The following UGT1A7 variants were observed in gnomAD, a reference collection of about 807,000 sequenced individuals.
UGT1A7 encodes the protein UDP-glucuronosyltransferase 1A7.
UGT1A7 carries 33 observed loss-of-function variants against 45.6 expected under a neutral mutation model. The observed-to-expected ratio is 0.72, with a 90% CI of 0.55 to 0.97. The LOEUF (loss-of-function observed/expected upper bound fraction) is 0.97. UGT1A7 is among the 50% of genes least tolerant of loss of function. The pLI is 0.00. For missense variants in UGT1A7, 684 were observed against 666.2 expected (o/e 1.03, Z -0.29); for synonymous variants, 274 against 250.6 (o/e 1.09, Z -0.88).
At chr2:233,729,403 G>A (rs1559374235) in intron 1 of UGT1A7, 1 of 1,613,838 alleles carries the variant, frequency 6.2e-7, no homozygotes, top group Non-Finnish European at 8.5e-7. Flanking sequence ...TGATCGCCAT[G>A]TGCTGGGCCA....
At chr2:233,714,782 C>T (rs1312718757) in intron 1 of UGT1A7, among the ~76,000 whole-genome samples, 1 of 152,114 alleles carries the variant, frequency 6.6e-6, no homozygotes, top group Non-Finnish European at 1.5e-5. Flanking sequence ...TTGGAATAGC[C>T]ACATTTCAAG....
In UGT1A7 at chr2:233,698,281, T is replaced by C. The variant is rs77422463; in HGVS notation, c.855+15489T>C. Among the ~76,000 whole-genome samples the C allele has an allele frequency of 8.3e-4, 127 of 152,242 alleles. 1 individual carries two copies. In the East Asian group the frequency reaches 0.023, roughly 28 times the overall value. On this transcript the variant is annotated intron_variant, in intron 1 of 4. Coordinates refer to ENST00000373426, the MANE Select transcript of UGT1A7 (RefSeq NM_019077.3). ...CAATAATCAAACCATTTCAACACTA[T>C]GAAAAAAAATGTGTCTTTGGACAGA...
chr2:233,726,029 G>A (rs1318137671), intron 1 of UGT1A7, among the ~76,000 whole-genome samples: 1 of 152,112 alleles, frequency 6.6e-6, no homozygotes, highest in Non-Finnish European at 1.5e-5. Flanking sequence ...ATCCAGGTGT[G>A]ATGGCGCACA....
At chr2:233,768,541 A>C (rs1699639375) in intron 4 of UGT1A7, 102 bp downstream of exon 4, 3 of 1,492,216 alleles carry the variant, frequency 2.0e-6, no homozygotes, top group Non-Finnish European at 2.7e-6. Flanking sequence ...GTTGTTTCAA[A>C]TATAAAAACA....
At chr2:233,735,775 C>G (rs2363116) in intron 1 of UGT1A7, among the ~76,000 whole-genome samples, 81,728 of 152,006 alleles carry the variant, frequency 0.54, 23,611 homozygotes, top group African/African-American at 0.76. Context: ...ATGAAGCTTA[C>G]TTTGGCTGCA....
intron 1 of UGT1A7, chr2:233,754,945 G>A (rs1342760083): frequency 7.5e-7 from 1 of 1,327,414 alleles, no homozygotes; most frequent in Admixed American, 1.9e-5. Flanking sequence ...AAGGAGAATG[G>A]GTCCCGGCCG....
At chr2:233,725,703 A>G (rs2077468684) in intron 1 of UGT1A7, among the ~76,000 whole-genome samples, 1 of 152,222 alleles carries the variant, frequency 6.6e-6, no homozygotes, top group South Asian at 2.1e-4. Flanking sequence ...ATATGTAGTT[A>G]GTGACTACCA....
chr2:233,743,650 G>T, intron 1 of UGT1A7: 1 of 1,367,276 alleles, frequency 7.3e-7, no homozygotes, highest in Non-Finnish European at 9.8e-7. Context: ...AGCTGAAGAC[G>T]TACTCGAAGG....
intron 1 of UGT1A7, chr2:233,729,497 A>G (rs1450342762): frequency 6.8e-6 from 11 of 1,614,114 alleles, no homozygotes; most frequent in Non-Finnish European, 8.5e-6. Flanking sequence ...TCTTTGGTCT[A>G]TCATAGGTCT....
At chr2:233,757,551 T>C (rs9711503) in intron 1 of UGT1A7, among the ~76,000 whole-genome samples, 892 of 76,060 alleles carry the variant, frequency 0.012, 7 homozygotes, top group South Asian at 0.018. Flanking sequence ...TATATATATA[T>C]ATATATATAT....
chr2:233,771,421 G>A (rs2126061282), intron 4 of UGT1A7: 1 of 152,290 alleles, frequency 6.6e-6, no homozygotes, highest in Admixed American at 6.5e-5. Flanking sequence ...AGAATAAACA[G>A]AAATCCATTT....
rs923317009 is a variant in UGT1A7, at chr2:233,730,111, C to T, written c.856-36923C>T. On this transcript the variant is annotated intron_variant, in intron 1 of 4. Transcript: ENST00000373426. ...CTTTCCAAATATTTCATTTCTGCTT[C>T]TCCTTGTCATAATAGCCTTCAGTGA... The T allele has an allele frequency of 2.6e-6, 4 of 1,566,198 alleles. No individual in the cohort carries two copies. In the African/African-American group the frequency reaches 4.1e-5, roughly 16 times the overall value.
Position 233,681,915 on chromosome 2 carries a change from T to C in UGT1A7, c.-23T>C, listed in dbSNP as rs2074544960. 1.2e-6 allele frequency: 2 copies of C among 1,602,164 alleles called. No homozygotes were observed. The highest frequency in any genetic ancestry group is 2.2e-5 in the South Asian group (2 of 89,522). ...TATAGGAGCTTAGAATCCCAGCTGC[T>C]GGCTCTGGGCTGAAGTTCTCTGATG... is the stretch of plus-strand genomic sequence containing the variant. On this transcript the variant is annotated 5_prime_UTR_variant, in exon 1 of 5. Transcript: ENST00000373426.
chr2:233,717,775 C>T, intron 1 of UGT1A7: 1 of 456,474 alleles, frequency 2.2e-6, no homozygotes, highest in Non-Finnish European at 4.4e-6. Context: ...ATTTAATTCT[C>T]CATTTTGAAA....
At position 233,769,913 on chromosome 2, in the gene UGT1A7, C is replaced by A. The variant is rs1699980310; in HGVS notation, c.1295+1474C>A. The A allele has an allele frequency of 6.7e-6, 2 of 297,578 alleles. No homozygotes were observed. The highest frequency in any genetic ancestry group is 2.1e-5 in the African/African-American group (1 of 46,750). The allele number at this position is 297,578 out of a possible 1,614,324, so 18.4% of individuals were successfully genotyped here. A position where few individuals can be genotyped will look rare whatever the true frequency, so the allele number is the denominator to read the frequency against. On this transcript the variant is annotated intron_variant, in intron 4 of 4. Coordinates refer to ENST00000373426, the MANE Select transcript of UGT1A7 (RefSeq NM_019077.3). This position sits in a 1 kb window ranked among gnomAD's most constrained non-coding sequence, Gnocchi z 4.4. ...TAACCTGAGCATCATGTGCCCAGAG[C>A]GTTGGGTGGTGTGGTCCCATTCCTT... is the stretch of plus-strand genomic sequence containing the variant.
rs145878694 is a variant in UGT1A7, at chr2:233,769,172, G to A, written c.1295+733G>A. On this transcript the variant is annotated intron_variant, in intron 4 of 4. Transcript: ENST00000373426. The surrounding 1 kb of genome is among the most constrained non-coding windows in gnomAD (Gnocchi z 4.4). ...GAACCTGTGAGAAATTTTGTCCATG[G>A]AGTTTATGAATGAAGGAGCTATAAG... Among the ~76,000 whole-genome samples the A allele has an allele frequency of 2.1e-4, 32 of 152,304 alleles. No homozygotes were observed. The East Asian group carries it at 5.0e-3, about 24-fold the overall frequency.
In UGT1A7 at chr2:233,743,890, G is replaced by A. The variant is rs376911193; in HGVS notation, c.856-23144G>A. On this transcript the variant is annotated intron_variant, in intron 1 of 4. Transcript: ENST00000373426. ...CCTCGGATGAGGCCTGCCGGGGCAC[G>A]TCCAGCACCTCGTAGTAGTCCACCA... 9.6e-5 allele frequency: 131 copies of A among 1,366,674 alleles called. 1 individual carries two copies. The highest frequency in any genetic ancestry group is 6.3e-4 in the Middle Eastern group (3 of 4,786). The allele number at this position is 1,366,674 out of a possible 1,614,324, so 84.7% of individuals were successfully genotyped here. A position where few individuals can be genotyped will look rare whatever the true frequency, so the allele number is the denominator to read the frequency against.
chr2:233,772,619 A>G lies in UGT1A7; in HGVS notation c.*60A>G. ...ATTCCCTAGTCATTTCCAAACTTGAAAACAGAATCAGTGTTAAATTCATTT... is the reference window on the plus strand; with the variant it reads ...ATTCCCTAGTCATTTCCAAACTTGAGAACAGAATCAGTGTTAAATTCATTT... On this transcript the variant is annotated 3_prime_UTR_variant, in exon 5 of 5. Coordinates refer to ENST00000373426, the MANE Select transcript of UGT1A7 (RefSeq NM_019077.3). The G allele has an allele frequency of 1.3e-6, 2 of 1,569,672 alleles. No homozygotes were observed. The highest frequency in any genetic ancestry group is 1.7e-6 in the Non-Finnish European group (2 of 1,156,572).
rs949685670 is a variant in UGT1A7 at position 233,686,961 on chromosome 2, A to G, written c.855+4169A>G. 9.2e-5 allele frequency among the ~76,000 whole-genome samples: 14 copies of G among 152,208 alleles called. 1 individual carries two copies. The highest frequency in any genetic ancestry group is 3.9e-4 in the Admixed American group (6 of 15,282). On this transcript the variant is annotated intron_variant, in intron 1 of 4. Coordinates refer to ENST00000373426, the MANE Select transcript of UGT1A7 (RefSeq NM_019077.3). ...GCAGGGAAGCTGTCAGTAATTAATT[A>G]GCAAGGCAGGGAAGTTGTACCCCAA...
Sources: allele counts gnomAD v4.1 joint callset (sites outside exome capture counted in the v4.1 genomes callset), GRCh38; gene constraint gnomAD v4.1.1; non-coding constraint Gnocchi (gnomAD v3.1); transcripts MANE v1.5; gene names NCBI Gene and HGNC (gene_info 2026-07-23, HGNC 2026-07-21).